The following TGM4 variants were observed in gnomAD, a reference collection of about 807,000 sequenced individuals.
The protein encoded by TGM4 is protein-glutamine gamma-glutamyltransferase 4.
TGM4 carries 61 observed loss-of-function variants against 76.3 expected under a neutral mutation model. The ratio of observed to expected loss-of-function variants is 0.80; its 90% CI spans 0.65 to 0.99. The LOEUF (loss-of-function observed/expected upper bound fraction) is 0.99. Ranked by LOEUF, TGM4 falls within the 50% of genes least tolerant of loss-of-function variation. The probability of loss-of-function intolerance (pLI) is 0.00; values close to 1 mark genes in which losing one functional copy is unlikely to be tolerated. For synonymous variants in TGM4, 337 were observed against 329.8 expected (o/e 1.02, Z -0.24); for missense variants, 794 against 843.2 (o/e 0.94, Z 0.72).
Position 44,914,885 on chromosome 3 carries a change from T to C in TGM4, c.*1160T>C, listed in dbSNP as rs1025343772. On this transcript the variant is annotated 3_prime_UTR_variant, in exon 14 of 14. Coordinates refer to ENST00000296125, the MANE Select transcript of TGM4 (RefSeq NM_003241.4). ...GGTGGGATACCTGTCATCCTCTGCC[T>C]TTCCAGCTGTCCAAGTGAAAAAAAC... 5.9e-5 allele frequency: 9 copies of C among 152,230 alleles called. No homozygotes were observed. The highest frequency in any genetic ancestry group is 1.3e-4 in the Non-Finnish European group (9 of 68,054). 9.4% of individuals were successfully genotyped at this position (152,230 alleles called of 1,614,324 possible).
intron 2 of TGM4, among the ~76,000 whole-genome samples, chr3:44,886,834 G>C (rs1328464653): frequency 6.6e-6 from 1 of 152,226 alleles, no homozygotes; most frequent in Non-Finnish European, 1.5e-5. Flanking sequence ...GATAATTTCA[G>C]ACAGGGCCAG....
chr3:44,907,310 CAAA>C (rs3082589), intron 10 of TGM4, 110 bp downstream of exon 10: 135,643 of 651,532 alleles, frequency 0.21, 4,763 homozygotes, highest in East Asian at 0.42. Context: ...CCATCCCTAC[CAAA>C]AAAAAAAAAA....
At chr3:44,893,761 G>A in intron 5 of TGM4, 66 bp downstream of exon 5, 2 of 1,379,858 alleles carry the variant, frequency 1.4e-6, no homozygotes, top group Non-Finnish European at 2.1e-6. Context: ...TAGCTGGGTA[G>A]TAGTCAGTAA....
rs367997401 is a variant in TGM4, at chr3:44,910,159, G to A, written c.1397G>A (p.Arg466Gln). ...LLLSSEREHR[R>Q]PVKENFLHMS... The stretch of plus-strand genomic sequence containing the variant: ...CTCAGTTCTGAGAGGGAGCACAGAC[G>A]ACCTGTAAAAGAGAACTTTCTTCAC... The change falls in exon 11 of 14, where the codon CGA becomes CAA. Residue 466 changes from arginine (R) to glutamine (Q), a missense_variant. By Grantham distance (43) the Arg-to-Gln change is conservative (BLOSUM62 1). Coordinates refer to ENST00000296125, the MANE Select transcript of TGM4 (RefSeq NM_003241.4). The A allele has an allele frequency of 1.7e-5, 27 of 1,614,056 alleles. No individual in the cohort carries two copies. Among genetic ancestry groups the A allele is most frequent in the Non-Finnish European group, 2.3e-5 (27 of 1,180,036 alleles).
At chr3:44,878,168 T>G (rs954404438) in intron 1 of TGM4, among the ~76,000 whole-genome samples, 2 of 149,570 alleles carry the variant, frequency 1.3e-5, no homozygotes, top group African/African-American at 4.9e-5. Context: ...GAAAAAAAAA[T>G]TAAAAGAAAA....
chr3:44,879,399 C>T (rs1699500027), intron 1 of TGM4, among the ~76,000 whole-genome samples: 1 of 151,364 alleles, frequency 6.6e-6, no homozygotes, highest in African/African-American at 2.4e-5. Context: ...CTCTGCCTCC[C>T]CGGTTCAAGC....
chr3:44,890,568 G>A (rs371734931), intron 3 of TGM4, 35 bp from the exon 4 acceptor site: 3 of 1,610,212 alleles, frequency 1.9e-6, no homozygotes, highest in Non-Finnish European at 2.5e-6. Context: ...CTGGCCAGAG[G>A]GGGAGATGTC....
chr3:44,910,319 G>A lies in TGM4; in HGVS notation c.1557G>A (p.Lys519=), dbSNP rs142626328. The A allele has an allele frequency of 1.9e-6, 3 of 1,614,060 alleles. No homozygotes were observed. In the African/African-American group the frequency reaches 4.0e-5, roughly 22 times the overall value. The change falls in exon 11 of 14, where the codon AAG becomes AAA. Residue 519 remains lysine (K), a synonymous_variant. Coordinates refer to ENST00000296125, the MANE Select transcript of TGM4 (RefSeq NM_003241.4). ...SFELQLYTGK[K]MAKLCDLNKT... is the part of the protein sequence containing the mutation. Reference sequence around the variant, plus strand: ...AACTACAGTTGTACACTGGCAAGAAGATGGCAAAACTGTGTGACCTCAATA... The same window carrying A: ...AACTACAGTTGTACACTGGCAAGAAAATGGCAAAACTGTGTGACCTCAATA...
chr3:44,887,022 C>A (rs1699617314), intron 2 of TGM4, among the ~76,000 whole-genome samples: 1 of 152,230 alleles, frequency 6.6e-6, no homozygotes. Flanking sequence ...GTGTTCCCAG[C>A]CATGAGCACG....
At chr3:44,908,373 TG>T (rs754339235) in intron 10 of TGM4, among the ~76,000 whole-genome samples, 4 of 149,530 alleles carry the variant, frequency 2.7e-5, no homozygotes, top group Non-Finnish European at 5.9e-5. Context: ...AGGTCAGGAG[TG>T]TTTTTTTTTG....
Position 44,890,728 on chromosome 3 carries a change from T to C in TGM4, c.426T>C (p.Cys142=). The change falls in exon 4 of 14, where the codon TGT becomes TGC. Residue 142 remains cysteine (C), a synonymous_variant. Coordinates refer to ENST00000296125, the MANE Select transcript of TGM4 (RefSeq NM_003241.4). ...TATACCTTCTCTTCAACCCATGGTG[T>C]AAAGGTACTGTGAATCTCAGGTCTG... ...NILYLLFNPW[C]KEDMVFMPDE... The C allele has an allele frequency of 6.2e-7, 1 of 1,613,982 alleles. No homozygotes were observed. The highest frequency in any genetic ancestry group is 1.1e-5 in the South Asian group (1 of 91,064).
intron 6 of TGM4, among the ~76,000 whole-genome samples, chr3:44,897,743 CTATT>C (rs1340303189): frequency 2.6e-5 from 4 of 152,194 alleles, no homozygotes; most frequent in East Asian, 1.9e-4. Context: ...AAGGTTAAAA[CTATT>C]TATTCTAAAA....
Position 44,911,381 on chromosome 3 carries a change from T to C in TGM4, c.1888T>C (p.Ser630Pro), listed in dbSNP as rs748355376. Reference protein sequence around the residue: ...VKFSLESLGISSLQTSDHGTV... With the variant: ...VKFSLESLGIPSLQTSDHGTV... ...GTTCTCTTTGGAAAGCCTGGGCATC[T>C]CCTCACTACAGACCTCTGACCATGG... The change falls in exon 13 of 14, where the codon TCC (serine) becomes CCC (proline). Residue 630 changes from serine (S) to proline (P), a missense_variant. Coordinates refer to ENST00000296125, the MANE Select transcript of TGM4 (RefSeq NM_003241.4). 1.9e-6 allele frequency: 3 copies of C among 1,614,246 alleles called. No individual in the cohort carries two copies.
Position 44,885,315 on chromosome 3 carries a change from T to C in TGM4, c.20-10T>C. On this transcript the variant is annotated splice_polypyrimidine_tract_variant and intron_variant, in intron 1 of 13. Coordinates refer to ENST00000296125, the MANE Select transcript of TGM4 (RefSeq NM_003241.4). ...GTGCTCTCTTTCCACATGTGCTGCGTTGCTGACAGAGCTGCAAGTTCTCCA... is the reference window on the plus strand; with the variant it reads ...GTGCTCTCTTTCCACATGTGCTGCGCTGCTGACAGAGCTGCAAGTTCTCCA... The C allele has an allele frequency of 6.2e-7, 1 of 1,600,552 alleles. No homozygotes were observed.
At chr3:44,894,440 CAAGCACTGTTACAAGG>C (rs1247511079) in intron 5 of TGM4, among the ~76,000 whole-genome samples, 39 of 132,726 alleles carry the variant, frequency 2.9e-4, no homozygotes, top group South Asian at 5.4e-4. Context: ...ACCAAAGAAC[CAAGCACTGTTACAAGG>C]AAGCACTGTT....
intron 3 of TGM4, chr3:44,888,066 G>A (rs989187738): frequency 1.4e-5 from 6 of 420,372 alleles, no homozygotes; most frequent in East Asian, 4.4e-5. Flanking sequence ...GGACATGAGC[G>A]GAGAGAAGTA....
intron 13 of TGM4, among the ~76,000 whole-genome samples, chr3:44,912,130 C>A (rs139179643): frequency 1.3e-5 from 2 of 152,318 alleles, no homozygotes; most frequent in East Asian, 3.9e-4. Flanking sequence ...CATGCCCGGC[C>A]GAACAGTTTG....
rs568809112 is a variant in TGM4 at position 44,891,843 on chromosome 3, C to T, written c.430+1111C>T. 9.6e-4 allele frequency among the ~76,000 whole-genome samples: 145 copies of T among 151,648 alleles called. 1 individual carries two copies. The highest frequency in any genetic ancestry group is 2.5e-3 in the African/African-American group (104 of 41,286). ...CAAAAAAATTAGCCGGGCATGGTGG[C>T]GGGCGCCTATATTCTCAGCTACTAG... On this transcript the variant is annotated intron_variant, in intron 4 of 13. Transcript: ENST00000296125.
chr3:44,901,072 C>T (rs957938656), intron 6 of TGM4: 1 of 160,838 alleles, frequency 6.2e-6, no homozygotes, highest in African/African-American at 2.4e-5. Flanking sequence ...AACCCTGCCT[C>T]TACAAAAAAC....
Sources: gnomAD v4.1 joint callset for allele counts (sites outside exome capture counted in the v4.1 genomes callset) on GRCh38, gnomAD v4.1.1 for gene constraint, MANE v1.5 for transcripts, NCBI Gene and HGNC (gene_info 2026-07-23, HGNC 2026-07-21) for gene names.